Variants in RBFOX1 observed in about 807,000 individuals in gnomAD.
RBFOX1 encodes RNA binding fox-1 homolog 1, also known as RNA binding protein fox-1 homolog 1.
RBFOX1 carries 8 observed loss-of-function variants against 57.7 expected under a neutral mutation model. The ratio of observed to expected loss-of-function variants is 0.14; its 90% CI spans 0.08 to 0.25. RBFOX1 has a LOEUF of 0.25. Ranked by LOEUF, RBFOX1 falls within the 10% of genes least tolerant of loss-of-function variation. The probability of loss-of-function intolerance (pLI) is 1.00; values close to 1 mark genes in which losing one functional copy is unlikely to be tolerated. For synonymous variants in RBFOX1, 326 were observed against 222.4 expected, an observed-to-expected ratio of 1.47 and a Z score of -4.15; for missense variants, 611 against 548.5, an observed-to-expected ratio of 1.11 and a Z score of -1.14.
chr16:6,336,931 C>T (rs1250000379), intron 2 of RBFOX1, among the ~76,000 whole-genome samples: 1 of 152,194 alleles, frequency 6.6e-6, no homozygotes, highest in South Asian at 2.1e-4. Flanking sequence ...TATTGGCAAT[C>T]TACTATCTGC....
At chr16:6,692,677 C>G (rs752998579) in intron 3 of RBFOX1, among the ~76,000 whole-genome samples, 65 of 151,742 alleles carry the variant, frequency 4.3e-4, no homozygotes, top group Admixed American at 2.7e-3. Flanking sequence ...ATGTGTTTCC[C>G]TTTAACCAAC....
chr16:6,874,092 T>C (rs1362209459), intron 3 of RBFOX1: 1 of 152,196 alleles, frequency 6.6e-6, no homozygotes, highest in East Asian at 1.9e-4. Context: ...CATGCATGTT[T>C]ATAGCAGCAC....
intron 1 of RBFOX1, among the ~76,000 whole-genome samples, chr16:6,073,056 G>A (rs1036089943): frequency 6.6e-6 from 1 of 152,184 alleles, no homozygotes; most frequent in Non-Finnish European, 1.5e-5. Context: ...GACACATTTT[G>A]TGACTAGTTA....
At chr16:5,962,545 C>G (rs2152289514) in intron 4 of RBFOX1, among the ~76,000 whole-genome samples, 1 of 152,258 alleles carries the variant, frequency 6.6e-6, no homozygotes, top group African/African-American at 2.4e-5. Context: ...TCCTTTGTCT[C>G]ATTGGGTCTA....
At chr16:6,296,229 G>T (rs1187392019) in intron 1 of RBFOX1, among the ~76,000 whole-genome samples, 1 of 152,106 alleles carries the variant, frequency 6.6e-6, no homozygotes, top group Non-Finnish European at 1.5e-5. Flanking sequence ...TATGACCTTG[G>T]TGCCAAGTTC....
intron 3 of RBFOX1, among the ~76,000 whole-genome samples, chr16:5,641,702 A>T (rs1417750380): frequency 6.6e-6 from 1 of 152,208 alleles, no homozygotes; most frequent in Non-Finnish European, 1.5e-5. Flanking sequence ...AGGCGGGGGC[A>T]TGTTGACTTT....
chr16:7,418,167 C>G (rs2098502992), intron 4 of RBFOX1, among the ~76,000 whole-genome samples: 1 of 152,198 alleles, frequency 6.6e-6, no homozygotes, highest in Non-Finnish European at 1.5e-5. Context: ...GATAAGAGGA[C>G]TAGTTTCCAT....
At chr16:7,014,326 C>T (rs949216304) in intron 3 of RBFOX1, among the ~76,000 whole-genome samples, 8 of 152,024 alleles carry the variant, frequency 5.3e-5, no homozygotes, top group African/African-American at 1.9e-4. Flanking sequence ...AATCCTCCCA[C>T]GTCAGCCTCC....
chr16:7,425,975 T>C (rs1189378462), intron 4 of RBFOX1, among the ~76,000 whole-genome samples: 1 of 152,244 alleles, frequency 6.6e-6, no homozygotes, highest in African/African-American at 2.4e-5. Context: ...CTCAGATCAA[T>C]TGTTTATACA....
chr16:7,362,210 T>C (rs1219950581), intron 4 of RBFOX1, among the ~76,000 whole-genome samples: 1 of 150,634 alleles, frequency 6.6e-6, no homozygotes, highest in Non-Finnish European at 1.5e-5. Context: ...ATTGTGTTTG[T>C]TTTTTATGTG....
At chr16:7,277,253 A>G (rs1386848286) in intron 4 of RBFOX1, among the ~76,000 whole-genome samples, 1 of 152,152 alleles carries the variant, frequency 6.6e-6, no homozygotes, top group Non-Finnish European at 1.5e-5. Flanking sequence ...ATTATCAAAG[A>G]TGAGGATGGA....
chr16:6,591,886 C>T (rs769676982), intron 2 of RBFOX1, among the ~76,000 whole-genome samples: 1 of 152,296 alleles, frequency 6.6e-6, no homozygotes, highest in East Asian at 1.9e-4. Context: ...CATGAGAAAA[C>T]ACATTTGCTT....
chr16:6,651,690 G>A (rs2098597308), intron 2 of RBFOX1, among the ~76,000 whole-genome samples: 1 of 152,114 alleles, frequency 6.6e-6, no homozygotes, highest in Non-Finnish European at 1.5e-5. Context: ...ATAGGGTTTG[G>A]CAATCTCACT....
At position 6,635,750 on chromosome 16, in the gene RBFOX1, T is replaced by A. The variant is rs1021955122; in HGVS notation, c.-63-18853T>A. Among the ~76,000 whole-genome samples, 3 of 152,172 alleles carry A rather than the reference T, an allele frequency of 2.0e-5. No homozygotes were observed. In the South Asian group the frequency reaches 6.2e-4, roughly 31 times the overall value. ...TAAGAGAGATCAATTTATTTTTATT[T>A]ATTTTACCCAACATAAACTATTTTG... On this transcript the variant is annotated intron_variant, in intron 2 of 15. Coordinates refer to ENST00000550418, the MANE Select transcript of RBFOX1 (RefSeq NM_018723.4).
intron 2 of RBFOX1, among the ~76,000 whole-genome samples, chr16:6,476,435 A>AT (rs1462762289): frequency 6.6e-6 from 1 of 152,142 alleles, no homozygotes; most frequent in African/African-American, 2.4e-5. Flanking sequence ...GAGTCACACT[A>AT]TTTTTTGTTT....
intron 3 of RBFOX1, among the ~76,000 whole-genome samples, chr16:6,816,129 G>C (rs991784299): frequency 6.6e-6 from 1 of 152,094 alleles, no homozygotes; most frequent in African/African-American, 2.4e-5. Context: ...GCAACATGAG[G>C]AGACCCCGTC....
intron 1 of RBFOX1, chr16:5,261,114 C>T (rs545234304): frequency 1.5e-3 from 224 of 152,292 alleles, no homozygotes; most frequent in African/African-American, 4.9e-3. Context: ...AACCACGTTT[C>T]AATTTTAGAC....
intron 4 of RBFOX1, among the ~76,000 whole-genome samples, chr16:7,360,508 C>T (rs753920800): frequency 1.1e-4 from 16 of 152,164 alleles, no homozygotes; most frequent in Non-Finnish European, 2.9e-5. Flanking sequence ...TAGCTACAAC[C>T]TTCCTGGTAT....
chr16:5,394,776 C>T (rs1168947026), intron 1 of RBFOX1, among the ~76,000 whole-genome samples: 2 of 152,068 alleles, frequency 1.3e-5, no homozygotes, highest in Non-Finnish European at 2.9e-5. Context: ...CTTGAACTCC[C>T]GGTCTCACGC....
Sources: gnomAD v4.1 joint callset for allele counts (sites outside exome capture counted in the v4.1 genomes callset) on GRCh38, gnomAD v4.1.1 for gene constraint, MANE v1.5 for transcripts, NCBI Gene and HGNC (gene_info 2026-07-23, HGNC 2026-07-21) for gene names.